TMPRSS7: variants seen among roughly 807,000 people sequenced by gnomAD.
TMPRSS7 encodes the protein transmembrane serine protease 7.
In TMPRSS7, 81 loss-of-function variants were observed where a neutral mutation model predicts 95.6. The ratio of observed to expected loss-of-function variants is 0.85; its 90% CI spans 0.71 to 1.02. The LOEUF is 1.02. TMPRSS7 is among the 50% of genes least tolerant of loss of function. The pLI is 0.00. For synonymous variants in TMPRSS7, 364 were observed against 337.8 expected, an observed-to-expected ratio of 1.08 and a Z score of -0.85; for missense variants, 945 against 955.2, an observed-to-expected ratio of 0.99 and a Z score of 0.14.
At chr3:112,063,493 T>G in intron 11 of TMPRSS7, 32 bp from the exon 12 acceptor site, 1 of 1,553,296 alleles carries the variant, frequency 6.4e-7, no homozygotes, top group Non-Finnish European at 8.9e-7. Flanking sequence ...CTATCCAAGA[T>G]TTTCTATTTT....
intron 9 of TMPRSS7, among the ~76,000 whole-genome samples, chr3:112,054,646 CTTGTAG>C (rs1269234506): frequency 2.9e-5 from 4 of 138,038 alleles, no homozygotes; most frequent in African/African-American, 1.1e-4. Flanking sequence ...AACTGAGCTT[CTTGTAG>C]AAGATTGCAC....
exon 11 of TMPRSS7, chr3:112,061,803 A>C: frequency 1.2e-6 from 2 of 1,609,060 alleles, no homozygotes. Flanking sequence ...TGGCTCCTAC[A>C]TGGATCATCA....
In TMPRSS7 at chr3:112,045,806, G is replaced by A. The variant is rs756571384; in HGVS notation, c.554G>A (p.Arg185His). 1.3e-4 allele frequency: 197 copies of A among 1,551,388 alleles called. No individual in the cohort carries two copies. Among genetic ancestry groups the A allele is most frequent in the Admixed American group, 2.9e-4 (15 of 50,954 alleles). The change falls in exon 5 of 18, where the codon CGT (arginine) becomes CAT (histidine). Residue 185 changes from arginine (R) to histidine (H), a missense_variant. Coordinates refer to ENST00000452346, the Ensembl canonical transcript of TMPRSS7. ...TTTTGGATTGTTTTTGTCATGCCAC[G>A]TGCCAAAGGCCACATCTTCTGTGAA...
chr3:112,064,918 A>G (rs959498851), intron 12 of TMPRSS7, among the ~76,000 whole-genome samples: 1 of 152,242 alleles, frequency 6.6e-6, no homozygotes, highest in African/African-American at 2.4e-5. Context: ...GAGTGTTTAA[A>G]TCAAATACAG....
chr3:112,065,691 G>A (rs533058524), intron 12 of TMPRSS7, among the ~76,000 whole-genome samples: 37 of 152,300 alleles, frequency 2.4e-4, no homozygotes, highest in African/African-American at 8.9e-4. Flanking sequence ...GAAAAAACAG[G>A]TGCAGATAGC....
intron 13 of TMPRSS7, among the ~76,000 whole-genome samples, chr3:112,072,526 T>A (rs1036851524): frequency 1.3e-5 from 2 of 152,248 alleles, no homozygotes; most frequent in Non-Finnish European, 2.9e-5. Context: ...AACGTTTAAG[T>A]CTTCAGAAGT....
At chr3:112,038,411 C>T (rs970582305) in intron 2 of TMPRSS7, 90 bp downstream of exon 2, 9 of 619,698 alleles carry the variant, frequency 1.5e-5, no homozygotes, top group Admixed American at 2.8e-5. Flanking sequence ...ATAGGTATTT[C>T]TGATGGGATT....
At chr3:112,073,257 A>AT (rs111427686) in intron 13 of TMPRSS7, among the ~76,000 whole-genome samples, 3,804 of 150,872 alleles carry the variant, frequency 0.025, 159 homozygotes, top group African/African-American at 0.086. Flanking sequence ...ATGCCCAGCT[A>AT]TTTTTTTTGT....
chr3:112,067,279 G>T (rs560443869), intron 13 of TMPRSS7, among the ~76,000 whole-genome samples: 17 of 152,128 alleles, frequency 1.1e-4, no homozygotes, highest in Non-Finnish European at 2.4e-4. Flanking sequence ...GAATAGTGCC[G>T]CAATAAACAT....
intron 17 of TMPRSS7, among the ~76,000 whole-genome samples, chr3:112,080,286 A>C (rs1308350904): frequency 6.6e-6 from 1 of 152,218 alleles, no homozygotes; most frequent in Non-Finnish European, 1.5e-5. Flanking sequence ...AGGACTCTCA[A>C]GTGAGAGTGA....
intron 1 of TMPRSS7, among the ~76,000 whole-genome samples, 164 bp from the exon 2 acceptor site, chr3:112,037,908 C>G (rs1256374159): frequency 6.6e-6 from 1 of 152,138 alleles, no homozygotes; most frequent in Non-Finnish European, 1.5e-5. Flanking sequence ...TGGTGCAAAT[C>G]AAGTTATTAT....
At chr3:112,068,200 C>A (rs558468629) in intron 13 of TMPRSS7, among the ~76,000 whole-genome samples, 2 of 152,194 alleles carry the variant, frequency 1.3e-5, no homozygotes, top group African/African-American at 2.4e-5. Flanking sequence ...GTTTTGGTAC[C>A]AGCACCATGC....
intron 10 of TMPRSS7, among the ~76,000 whole-genome samples, chr3:112,059,482 C>T (rs1412310819): frequency 2.6e-5 from 4 of 152,198 alleles, no homozygotes; most frequent in Non-Finnish European, 4.4e-5. Context: ...ACATGCCTAG[C>T]AAGGCTCATC....
At chr3:112,072,395 G>C (rs956374739) in intron 13 of TMPRSS7, among the ~76,000 whole-genome samples, 3 of 152,228 alleles carry the variant, frequency 2.0e-5, no homozygotes, top group Non-Finnish European at 4.4e-5. Context: ...CCTACTGGGA[G>C]GTGTCTCCCA....
At chr3:112,042,098 G>C in intron 3 of TMPRSS7, 48 bp downstream of exon 3, 1 of 1,486,626 alleles carries the variant, frequency 6.7e-7, no homozygotes, top group East Asian at 2.5e-5. Flanking sequence ...GGTTTGCGGG[G>C]AGGTGGGGGA....
At chr3:112,050,066 C>G (rs1257065794) in intron 8 of TMPRSS7, 92 bp downstream of exon 8, 1 of 1,285,442 alleles carries the variant, frequency 7.8e-7, no homozygotes, top group Non-Finnish European at 1.0e-6. Flanking sequence ...TTGTAATATT[C>G]ATTGTATTAG....
At chr3:112,041,920 G>A in exon 3 of TMPRSS7, 1 of 1,536,370 alleles carries the variant, frequency 6.5e-7, no homozygotes, top group Non-Finnish European at 8.8e-7. Context: ...TATTTTACAG[G>A]TAAAACAGAA....
At chr3:112,065,672 G>C (rs2073568100) in intron 12 of TMPRSS7, among the ~76,000 whole-genome samples, 1 of 152,150 alleles carries the variant, frequency 6.6e-6, no homozygotes, top group Non-Finnish European at 1.5e-5. Context: ...CCTCACAAGA[G>C]CTAGCTCTGA....
Position 112,056,835 on chromosome 3 carries a change from A to AATAC in TMPRSS7, c.1204-187_1204-184dup, listed in dbSNP as rs1181290272. Among the ~76,000 whole-genome samples the AATAC allele has an allele frequency of 1.3e-5, 2 of 152,206 alleles. 1 individual carries two copies. The highest frequency in any genetic ancestry group is 4.1e-4 in the South Asian group (2 of 4,828). On this transcript the variant is annotated intron_variant, in intron 9 of 17. Coordinates refer to ENST00000452346, the Ensembl canonical transcript of TMPRSS7. ...CTTGGGACCCAGCAGCTGCTCCCTGAATACATGGCTGCCTGCTTCCTTCTT... is the reference window on the plus strand; with the variant it reads ...CTTGGGACCCAGCAGCTGCTCCCTGAATACATACATGGCTGCCTGCTTCCTTCTT...
Sources: allele counts gnomAD v4.1 joint callset (sites outside exome capture counted in the v4.1 genomes callset), GRCh38; gene constraint gnomAD v4.1.1; transcripts MANE v1.5; gene names NCBI Gene and HGNC (gene_info 2026-07-23, HGNC 2026-07-21).